The following ALOX5 variants were observed in gnomAD, a reference collection of about 807,000 sequenced individuals.
The protein encoded by ALOX5 is polyunsaturated fatty acid 5-lipoxygenase.
A neutral mutation model predicts 87.9 loss-of-function variants in ALOX5; 64 were observed. The ratio of observed to expected loss-of-function variants is 0.73; its 90% CI spans 0.60 to 0.90. ALOX5 has a LOEUF of 0.90. Ranked by LOEUF, ALOX5 falls within the 40% of genes least tolerant of loss-of-function variation. The probability of loss-of-function intolerance (pLI) is 0.00; values close to 1 mark genes in which losing one functional copy is unlikely to be tolerated. For synonymous variants in ALOX5, 388 were observed against 355.1 expected (o/e 1.09, Z -1.04); for missense variants, 822 against 907.5 (o/e 0.91, Z 1.21).
At chr10:45,378,329 A>T (rs907704584) in intron 1 of ALOX5, among the ~76,000 whole-genome samples, 2 of 152,240 alleles carry the variant, frequency 1.3e-5, no homozygotes, top group African/African-American at 4.8e-5. Context: ...TGTGGGAGGA[A>T]CCTGGGCTTG....
At chr10:45,438,924 G>A (rs702366) in intron 7 of ALOX5, among the ~76,000 whole-genome samples, 77,326 of 151,936 alleles carry the variant, frequency 0.51, 19,901 homozygotes, top group East Asian at 0.63. Flanking sequence ...TGAGGCTTCT[G>A]GGGTCTCTCT....
At chr10:45,442,347 T>TG (rs1032761252) in intron 9 of ALOX5, among the ~76,000 whole-genome samples, 3 of 152,232 alleles carry the variant, frequency 2.0e-5, no homozygotes, top group African/African-American at 7.2e-5. Flanking sequence ...CAGAAAGTGC[T>TG]GGGGGGCAGC....
chr10:45,398,743 T>C (rs908586784), intron 3 of ALOX5, among the ~76,000 whole-genome samples: 2 of 152,082 alleles, frequency 1.3e-5, no homozygotes, highest in African/African-American at 2.4e-5. Context: ...ATCTAGGAAA[T>C]GCAAATCAAC....
intron 4 of ALOX5, among the ~76,000 whole-genome samples, chr10:45,419,236 C>G (rs868861873): frequency 4.8e-4 from 73 of 152,334 alleles, no homozygotes; most frequent in African/African-American, 1.7e-3. Flanking sequence ...GCAGGGAGGC[C>G]GGGCGAGCGC....
At chr10:45,408,231 G>A (rs575268716) in intron 3 of ALOX5, among the ~76,000 whole-genome samples, 2 of 152,322 alleles carry the variant, frequency 1.3e-5, no homozygotes, top group East Asian at 3.9e-4. Context: ...AGTGGCCCAT[G>A]ATGCAGCCCC....
rs1053704752 is a variant in ALOX5, at chr10:45,378,565, G to T, written c.151-3918G>T. The stretch of plus-strand genomic sequence containing the variant: ...TAGACAAATATAGCATCAGCCCAGT[G>T]TACTTGGCCCAGAGAGGAGGGAGGA... On this transcript the variant is annotated intron_variant, in intron 1 of 13. Transcript: ENST00000374391. Among the ~76,000 whole-genome samples the T allele has an allele frequency of 4.6e-5, 7 of 152,196 alleles. No individual in the cohort carries two copies. In the East Asian group the frequency reaches 1.3e-3, roughly 29 times the overall value.
At position 45,425,442 on chromosome 10, in the gene ALOX5, G is replaced by A. The variant is rs1841672869; in HGVS notation, c.834+310G>A. ...AGCTACCCTTGATTAGGGGCCTGTGGTGGGACAGGCATTGTGACAGGTGCT... is the reference window on the plus strand; with the variant it reads ...AGCTACCCTTGATTAGGGGCCTGTGATGGGACAGGCATTGTGACAGGTGCT... On this transcript the variant is annotated intron_variant, in intron 6 of 13. Transcript: ENST00000374391. This position sits in a 1 kb window ranked among gnomAD's most constrained non-coding sequence, Gnocchi z 4.4. Among the ~76,000 whole-genome samples, 1 of 152,204 alleles carries A rather than the reference G, an allele frequency of 6.6e-6. No homozygotes were observed. The highest frequency in any genetic ancestry group is 6.5e-5 in the Admixed American group (1 of 15,282).
At chr10:45,415,641 G>T (rs1319433229) in intron 4 of ALOX5, among the ~76,000 whole-genome samples, 1 of 152,186 alleles carries the variant, frequency 6.6e-6, no homozygotes, top group East Asian at 1.9e-4. Context: ...TTGGTGGACT[G>T]TGCCTTTTTC....
intron 3 of ALOX5, among the ~76,000 whole-genome samples, chr10:45,408,355 T>TGGAAAG (rs1200313501): frequency 6.6e-6 from 1 of 152,214 alleles, no homozygotes; most frequent in Admixed American, 6.5e-5. Flanking sequence ...GGTTTGGTTT[T>TGGAAAG]GGAAAGGTGG....
chr10:45,429,908 A>T (rs1841854359), intron 7 of ALOX5, among the ~76,000 whole-genome samples: 1 of 152,194 alleles, frequency 6.6e-6, no homozygotes, highest in South Asian at 2.1e-4. Context: ...CCCAGATAAG[A>T]AAACTGAGAC....
intron 6 of ALOX5, 108 bp from the exon 7 acceptor site, chr10:45,428,510 G>A (rs1322714256): frequency 1.6e-5 from 23 of 1,396,524 alleles, no homozygotes; most frequent in Non-Finnish European, 2.1e-5. Flanking sequence ...GCTCCGCTGA[G>A]TCGCAGGAAA....
In ALOX5 at chr10:45,395,869, G is replaced by A. The variant is rs1588999903; in HGVS notation, c.364G>A (p.Asp122Asn). The part of the protein sequence containing the change: ...LRDGRAKLAR[D>N]DQIHILKQHR... ...TTTCTTTACAGCAAAGTTGGCCCGA[G>A]ATGACCAAATTCACATTCTCAAGCA... Residue 122 changes from aspartate (D) to asparagine (N), a missense_variant, in exon 3 of 14, where the codon GAT becomes AAT. Physicochemically the swap from Asp to Asn is conservative, Grantham distance 23. Transcript: ENST00000374391. 2 of 1,614,240 alleles carry A rather than the reference G, an allele frequency of 1.2e-6. No individual in the cohort carries two copies.
intron 6 of ALOX5, 105 bp from the exon 7 acceptor site, chr10:45,428,513 G>T (rs763495791): frequency 7.1e-6 from 10 of 1,411,772 alleles, no homozygotes; most frequent in East Asian, 2.3e-5. Context: ...CCGCTGAGTC[G>T]CAGGAAAGGG....
chr10:45,417,762 A>T (rs1462416652), intron 4 of ALOX5, among the ~76,000 whole-genome samples: 1 of 152,170 alleles, frequency 6.6e-6, no homozygotes, highest in Non-Finnish European at 1.5e-5. Context: ...CATGCATAGG[A>T]TGCTCCACCG....
chr10:45,443,096 T>A lies in ALOX5; in HGVS notation c.1331T>A (p.Leu444Gln). The A allele has an allele frequency of 6.2e-7, 1 of 1,613,778 alleles. No homozygotes were observed. Among genetic ancestry groups the A allele is most frequent in the Non-Finnish European group, 8.5e-7 (1 of 1,180,000 alleles). Reference protein sequence around the residue: ...VQMVQRAMKDLTYASLCFPEA... With the variant: ...VQMVQRAMKDQTYASLCFPEA... Reference sequence around the variant, plus strand: ...ATGGTGCAGAGGGCCATGAAGGACCTGACCTATGCCTCCCTGTGCTTTCCC... The same window carrying A: ...ATGGTGCAGAGGGCCATGAAGGACCAGACCTATGCCTCCCTGTGCTTTCCC... The change falls in exon 10 of 14, where the codon CTG (leucine) becomes CAG (glutamine). Residue 444 changes from leucine to glutamine, a missense_variant. Physicochemically the swap from Leu to Gln is moderately radical, Grantham distance 113. Transcript: ENST00000374391.
At chr10:45,428,514 C>A in intron 6 of ALOX5, 104 bp from the exon 7 acceptor site, 1 of 1,427,144 alleles carries the variant, frequency 7.0e-7, no homozygotes, top group South Asian at 1.3e-5. Context: ...CGCTGAGTCG[C>A]AGGAAAGGGA....
chr10:45,428,159 C>G (rs1283309796), intron 6 of ALOX5, among the ~76,000 whole-genome samples: 2 of 147,072 alleles, frequency 1.4e-5, no homozygotes, highest in Non-Finnish European at 3.0e-5. Context: ...ACCCGGCGGA[C>G]AGCCCCGCCT....
chr10:45,443,160 C>A lies in ALOX5; in HGVS notation c.1395C>A (p.Asp465Glu). The change falls in exon 10 of 14, where the codon GAC becomes GAA. Residue 465 changes from aspartate to glutamate, a missense_variant. Transcript: ENST00000374391. ...IKARGMESKEDIPYYFYRDDG... is the reference protein window; with the variant it reads ...IKARGMESKEEIPYYFYRDDG... ...CCCGGGGCATGGAGAGCAAAGAAGACATCCCCTACTACTTCTACCGGGACG... is the reference window on the plus strand; with the variant it reads ...CCCGGGGCATGGAGAGCAAAGAAGAAATCCCCTACTACTTCTACCGGGACG... 1 of 1,613,882 alleles carries A rather than the reference C, an allele frequency of 6.2e-7. No individual in the cohort carries two copies. Among genetic ancestry groups the A allele is most frequent in the Non-Finnish European group, 8.5e-7 (1 of 1,180,008 alleles).
At chr10:45,440,371 C>T (rs923147311) in intron 7 of ALOX5, 59 bp from the exon 8 acceptor site, 225 of 1,552,718 alleles carry the variant, frequency 1.4e-4, no homozygotes, top group Non-Finnish European at 1.9e-4. Context: ...CGAAGTTCTC[C>T]AACAACTATA....
Sources: gnomAD v4.1 joint callset for allele counts (sites outside exome capture counted in the v4.1 genomes callset) on GRCh38, gnomAD v4.1.1 for gene constraint, Gnocchi (gnomAD v3.1) non-coding constraint, MANE v1.5 for transcripts, NCBI Gene and HGNC (gene_info 2026-07-23, HGNC 2026-07-21) for gene names.